CDH13: variants seen among roughly 807,000 people sequenced by gnomAD.
The protein encoded by CDH13 is cadherin 13.
CDH13 carries 24 observed loss-of-function variants against 63.8 expected under a neutral mutation model. The observed-to-expected ratio is 0.38, with a 90% CI of 0.27 to 0.53. The LOEUF is 0.53. Among genes scored for constraint, CDH13 ranks in the 20% least tolerant of loss-of-function variants. CDH13 has a pLI of 0.85. For missense variants in CDH13, 1,049 were observed against 903.1 expected (o/e 1.16, Z -2.07); for synonymous variants, 503 against 355.3 (o/e 1.42, Z -4.67).
intron 10 of CDH13, among the ~76,000 whole-genome samples, chr16:83,741,071 A>G (rs1338106309): frequency 6.6e-6 from 1 of 152,170 alleles, no homozygotes; most frequent in Non-Finnish European, 1.5e-5. Flanking sequence ...CTGGGACAGG[A>G]AGAGAACAGT....
At chr16:83,476,580 T>G (rs1241669565) in intron 6 of CDH13, among the ~76,000 whole-genome samples, 1 of 152,124 alleles carries the variant, frequency 6.6e-6, no homozygotes, top group African/African-American at 2.4e-5. Context: ...GGCTGAGGCA[T>G]GAGAATCACT....
intron 5 of CDH13, among the ~76,000 whole-genome samples, chr16:83,265,160 T>A (rs546313264): frequency 4.6e-5 from 7 of 152,354 alleles, no homozygotes; most frequent in South Asian, 2.1e-4. Flanking sequence ...AATTTGTTTT[T>A]CTTGGAATTC....
At chr16:82,666,045 G>A (rs375705106) in intron 1 of CDH13, among the ~76,000 whole-genome samples, 13 of 152,250 alleles carry the variant, frequency 8.5e-5, no homozygotes, top group South Asian at 2.1e-4. Context: ...TGTATAAATC[G>A]TGTAAAATCC....
intron 7 of CDH13, among the ~76,000 whole-genome samples, chr16:83,551,512 A>G (rs181287011): frequency 1.3e-5 from 2 of 152,314 alleles, no homozygotes; most frequent in Non-Finnish European, 2.9e-5. Flanking sequence ...ACTTCATGTC[A>G]GTGCTCACAT....
intron 7 of CDH13, among the ~76,000 whole-genome samples, chr16:83,595,658 T>A (rs977439511): frequency 6.6e-6 from 1 of 152,208 alleles, no homozygotes; most frequent in Non-Finnish European, 1.5e-5. Flanking sequence ...AGAGGTTACA[T>A]GGGAGGTTTA....
chr16:83,644,910 T>C (rs1911649004), intron 8 of CDH13, among the ~76,000 whole-genome samples: 1 of 152,218 alleles, frequency 6.6e-6, no homozygotes, highest in Non-Finnish European at 1.5e-5. Context: ...CTGTAGCTCC[T>C]CTAGAATCCA....
chr16:83,238,726 C>T (rs1033407538), intron 5 of CDH13, among the ~76,000 whole-genome samples: 4 of 130,066 alleles, frequency 3.1e-5, no homozygotes, highest in Admixed American at 8.7e-5. Context: ...TAACCAGTAC[C>T]TCCATATGTG....
At chr16:82,965,344 C>G (rs1597314064) in intron 2 of CDH13, among the ~76,000 whole-genome samples, 1 of 152,188 alleles carries the variant, frequency 6.6e-6, no homozygotes, top group East Asian at 1.9e-4. Context: ...ATGGAGGAGA[C>G]AAAGATGCAA....
chr16:83,656,220 A>G (rs565433508), intron 8 of CDH13, among the ~76,000 whole-genome samples: 1 of 152,326 alleles, frequency 6.6e-6, no homozygotes, highest in African/African-American at 2.4e-5. Context: ...GGATGTGAGA[A>G]ATGAGAAAAG....
At chr16:83,525,579 T>C (rs1022273768) in intron 7 of CDH13, among the ~76,000 whole-genome samples, 3 of 152,250 alleles carry the variant, frequency 2.0e-5, no homozygotes, top group Admixed American at 6.5e-5. Flanking sequence ...CCTTGTCGTG[T>C]GAACCTCCAT....
At chr16:83,351,499 C>G (rs1402869571) in intron 6 of CDH13, among the ~76,000 whole-genome samples, 2 of 152,034 alleles carry the variant, frequency 1.3e-5, no homozygotes, top group African/African-American at 4.8e-5. Context: ...GCTCTATGTG[C>G]TTTTCCGTAA....
intron 10 of CDH13, among the ~76,000 whole-genome samples, chr16:83,714,963 C>A (rs1012896124): frequency 1.3e-5 from 2 of 152,152 alleles, no homozygotes; most frequent in Non-Finnish European, 1.5e-5. Context: ...TGTTTCTTTA[C>A]ATCATTTGCG....
intron 1 of CDH13, among the ~76,000 whole-genome samples, chr16:82,673,723 C>T (rs550979629): frequency 9.9e-5 from 15 of 152,148 alleles, no homozygotes; most frequent in Non-Finnish European, 2.1e-4. Flanking sequence ...ATGTTGAGGG[C>T]AGGAGGCAGA....
chr16:83,452,428 T>G (rs2072909925), intron 6 of CDH13, among the ~76,000 whole-genome samples: 3 of 152,204 alleles, frequency 2.0e-5, no homozygotes, highest in South Asian at 4.1e-4. Flanking sequence ...ATAGACATCC[T>G]CTGTTCAGGC....
chr16:83,072,614 C>A (rs961486000), intron 3 of CDH13, among the ~76,000 whole-genome samples: 1 of 152,156 alleles, frequency 6.6e-6, no homozygotes, highest in African/African-American at 2.4e-5. Context: ...TCTTCTTTTA[C>A]CAGCTGTGTG....
intron 3 of CDH13, among the ~76,000 whole-genome samples, chr16:83,066,477 A>T (rs1320899907): frequency 6.6e-6 from 1 of 152,212 alleles, no homozygotes; most frequent in African/African-American, 2.4e-5. Context: ...TGAAGTCATC[A>T]ACCCAAAGAG....
intron 7 of CDH13, 109 bp from the exon 8 acceptor site, chr16:83,602,345 C>A: frequency 9.6e-7 from 1 of 1,042,036 alleles, no homozygotes; most frequent in Non-Finnish European, 1.5e-6. Flanking sequence ...AGATGCCTAC[C>A]CTAGATGGAG....
chr16:82,713,296 A>G (rs991830099), intron 1 of CDH13, among the ~76,000 whole-genome samples: 4 of 152,130 alleles, frequency 2.6e-5, no homozygotes, highest in Admixed American at 2.0e-4. Context: ...TCTCCAGGCA[A>G]TTCTATACAC....
At chr16:83,249,293 T>C (rs1053667311) in intron 5 of CDH13, among the ~76,000 whole-genome samples, 6 of 152,232 alleles carry the variant, frequency 3.9e-5, no homozygotes. Flanking sequence ...CCGTTGTTAA[T>C]GTCTCTTTCT....
Sources: gnomAD v4.1 joint callset for allele counts (sites outside exome capture counted in the v4.1 genomes callset) on GRCh38, gnomAD v4.1.1 for gene constraint, MANE v1.5 for transcripts, NCBI Gene and HGNC (gene_info 2026-07-23, HGNC 2026-07-21) for gene names.